The following LINGO2 variants were observed in gnomAD, a reference collection of about 807,000 sequenced individuals.
LINGO2 encodes the protein leucine rich repeat and Ig domain containing 2.
In LINGO2, 14 loss-of-function variants were observed where a neutral mutation model predicts 30.6. That is an observed-to-expected ratio of 0.46 (90% CI 0.30 to 0.72). LINGO2 has a LOEUF of 0.72. Ranked by LOEUF, LINGO2 falls within the 30% of genes least tolerant of loss-of-function variation. The pLI, the probability that LINGO2 is intolerant of heterozygous loss-of-function variation, is 0.07. For missense variants in LINGO2, 729 were observed against 751.7 expected (o/e 0.97, Z 0.35); for synonymous variants, 317 against 288.5 (o/e 1.10, Z -1.00).
At chr9:29,189,172 G>C in the LINGO2 span, among the ~76,000 whole-genome samples, 1 of 147,826 alleles carries the variant, frequency 6.8e-6, no homozygotes, top group African/African-American at 2.5e-5. Flanking sequence ...CTCCTGGACG[G>C]GGCGGCTGGC....
the LINGO2 span, among the ~76,000 whole-genome samples, chr9:29,085,857 C>T: frequency 3.0e-4 from 46 of 152,260 alleles, no homozygotes; most frequent in African/African-American, 1.1e-3. Context: ...GCCCTATTAA[C>T]ATACATCTGT....
At chr9:28,859,136 A>C in the LINGO2 span, among the ~76,000 whole-genome samples, 2 of 152,116 alleles carry the variant, frequency 1.3e-5, no homozygotes, top group South Asian at 4.1e-4. Context: ...GAAGGAGAGT[A>C]ATTTTCAAGA....
At chr9:28,404,340 T>G (rs1326168487) in intron 2 of LINGO2, among the ~76,000 whole-genome samples, 1 of 143,494 alleles carries the variant, frequency 7.0e-6, no homozygotes, top group African/African-American at 2.7e-5. Flanking sequence ...TGGTAGAGGT[T>G]TAAAGAAAAA....
chr9:28,779,614 GAA>G, the LINGO2 span, among the ~76,000 whole-genome samples: 779 of 152,220 alleles, frequency 5.1e-3, 7 homozygotes, highest in African/African-American at 0.018. Context: ...ATGGTTAGAG[GAA>G]AAGAGTGTAC....
intron 4 of LINGO2, among the ~76,000 whole-genome samples, chr9:28,244,815 C>A (rs900223196): frequency 2.9e-5 from 2 of 68,570 alleles, no homozygotes; most frequent in Non-Finnish European, 2.8e-5. Context: ...AATAGTATGC[C>A]AACCAAAAAA....
At chr9:28,517,980 A>C (rs1234492747) in intron 1 of LINGO2, among the ~76,000 whole-genome samples, 3 of 152,192 alleles carry the variant, frequency 2.0e-5, no homozygotes, top group Non-Finnish European at 4.4e-5. Flanking sequence ...TGAGAAACGC[A>C]AAGCCAATTG....
the LINGO2 span, among the ~76,000 whole-genome samples, chr9:29,189,492 G>A: frequency 2.0e-5 from 3 of 151,902 alleles, no homozygotes; most frequent in African/African-American, 7.3e-5. Flanking sequence ...CATCCCAGAC[G>A]GGGCGGTGGG....
the LINGO2 span, among the ~76,000 whole-genome samples, chr9:28,964,771 A>T: frequency 6.6e-6 from 1 of 151,980 alleles, no homozygotes; most frequent in Non-Finnish European, 1.5e-5. Flanking sequence ...AAGTTTTGGT[A>T]TAATCCCTAG....
At chr9:28,080,125 T>C (rs1825733240) in intron 4 of LINGO2, among the ~76,000 whole-genome samples, 1 of 152,248 alleles carries the variant, frequency 6.6e-6, no homozygotes, top group African/African-American at 2.4e-5. Flanking sequence ...TTCTATCTGA[T>C]TCTCTGATTT....
chr9:28,884,780 ATAGT>A, the LINGO2 span, among the ~76,000 whole-genome samples: 90 of 145,134 alleles, frequency 6.2e-4, 1 homozygote, highest in Middle Eastern at 3.6e-3. Flanking sequence ...GTATATATAT[ATAGT>A]GTGTGTGTAT....
chr9:28,672,307 C>A (rs1829051102), upstream of LINGO2, among the ~76,000 whole-genome samples: 1 of 152,170 alleles, frequency 6.6e-6, no homozygotes, highest in South Asian at 2.1e-4. Context: ...AATGCTTCAA[C>A]TTCTCCAATG....
the LINGO2 span, among the ~76,000 whole-genome samples, chr9:28,703,523 A>G: frequency 6.6e-6 from 1 of 151,834 alleles, no homozygotes; most frequent in African/African-American, 2.4e-5. Flanking sequence ...AATCTGGACT[A>G]TCTTGGTGAA....
chr9:29,070,536 G>A, the LINGO2 span, among the ~76,000 whole-genome samples: 94 of 152,042 alleles, frequency 6.2e-4, no homozygotes, highest in African/African-American at 2.1e-3. Flanking sequence ...GGCTACCATC[G>A]CAGGGTAGGT....
chr9:29,015,610 A>G, the LINGO2 span, among the ~76,000 whole-genome samples: 1 of 152,196 alleles, frequency 6.6e-6, no homozygotes, highest in Non-Finnish European at 1.5e-5. Flanking sequence ...CCCCTGGTCT[A>G]TACAATGTCA....
At chr9:28,512,580 G>GATATAT (rs1820433358) in intron 1 of LINGO2, among the ~76,000 whole-genome samples, 2 of 87,120 alleles carry the variant, frequency 2.3e-5, no homozygotes, top group Admixed American at 1.4e-4. Context: ...GAACTAACAG[G>GATATAT]ATATATATGT....
chr9:29,047,935 C>T, the LINGO2 span, among the ~76,000 whole-genome samples: 13 of 151,580 alleles, frequency 8.6e-5, no homozygotes, highest in African/African-American at 3.1e-4. Context: ...GAAACCCTGT[C>T]TCCCAAAACA....
At chr9:28,574,167 T>A (rs1262050450) in intron 1 of LINGO2, among the ~76,000 whole-genome samples, 1 of 152,162 alleles carries the variant, frequency 6.6e-6, no homozygotes, top group African/African-American at 2.4e-5. Context: ...TGTTAGCATG[T>A]GAGTGTGTGT....
chr9:28,600,980 A>G (rs2135745450), intron 1 of LINGO2, among the ~76,000 whole-genome samples: 1 of 152,276 alleles, frequency 6.6e-6, no homozygotes, highest in East Asian at 1.9e-4. Flanking sequence ...ATAAAAATTA[A>G]TATGTTTTGC....
At chr9:28,646,587 A>G (rs1827849785) in intron 1 of LINGO2, among the ~76,000 whole-genome samples, 1 of 152,078 alleles carries the variant, frequency 6.6e-6, no homozygotes, top group African/African-American at 2.4e-5. Flanking sequence ...CAAAATAGAA[A>G]GATTGATCCA....
Sources: gnomAD v4.1 joint callset for allele counts (sites outside exome capture counted in the v4.1 genomes callset) on GRCh38, gnomAD v4.1.1 for gene constraint, MANE v1.5 for transcripts, NCBI Gene and HGNC (gene_info 2026-07-23, HGNC 2026-07-21) for gene names.